Variants in CSMD1 observed in about 807,000 individuals in gnomAD.
The protein encoded by CSMD1 is CUB and sushi domain-containing protein 1.
Under a neutral mutation model 417.5 loss-of-function variants are expected in CSMD1, and 213 were observed. The observed-to-expected ratio is 0.51, with a 90% CI of 0.46 to 0.57. The LOEUF (loss-of-function observed/expected upper bound fraction) is 0.57. CSMD1 is among the 20% of genes least tolerant of loss of function. CSMD1 has a pLI of 0.00. For missense variants in CSMD1, 6,923 were observed against 4,529.7 expected (o/e 1.53, Z -15.17); for synonymous variants, 2,862 against 1,736.8 (o/e 1.65, Z -16.11).
At chr8:3,643,868 G>C (rs750840886) in intron 7 of CSMD1, among the ~76,000 whole-genome samples, 2 of 152,146 alleles carry the variant, frequency 1.3e-5, no homozygotes, top group African/African-American at 2.4e-5. Flanking sequence ...TAATGAATTA[G>C]TTAATACACT....
intron 9 of CSMD1, among the ~76,000 whole-genome samples, chr8:3,578,988 G>C (rs549809009): frequency 6.6e-6 from 1 of 152,156 alleles, no homozygotes; most frequent in African/African-American, 2.4e-5. Flanking sequence ...TCTTGCAAAG[G>C]CCTTGCCTCT....
At chr8:4,606,975 C>A (rs145916053) in intron 2 of CSMD1, among the ~76,000 whole-genome samples, 1 of 152,088 alleles carries the variant, frequency 6.6e-6, no homozygotes, top group Non-Finnish European at 1.5e-5. Context: ...TGCTAAGATG[C>A]AAGTTAAATT....
At chr8:3,475,761 T>A (rs1817369986) in intron 11 of CSMD1, among the ~76,000 whole-genome samples, 1 of 152,212 alleles carries the variant, frequency 6.6e-6, no homozygotes. Flanking sequence ...TGTGAAGCGG[T>A]TAACCCAAAA....
intron 5 of CSMD1, among the ~76,000 whole-genome samples, chr8:3,810,350 G>C (rs1585032341): frequency 6.6e-6 from 1 of 152,176 alleles, no homozygotes; most frequent in Non-Finnish European, 1.5e-5. Flanking sequence ...GTGCTTCTCA[G>C]TCACAAAAAT....
intron 1 of CSMD1, among the ~76,000 whole-genome samples, chr8:4,772,429 A>G (rs1327543393): frequency 2.0e-5 from 3 of 152,160 alleles, no homozygotes; most frequent in Non-Finnish European, 4.4e-5. Flanking sequence ...TGATCTCCCT[A>G]TTTTAAGGCC....
intron 30 of CSMD1, among the ~76,000 whole-genome samples, chr8:3,209,783 A>T (rs551956301): frequency 6.6e-6 from 1 of 152,340 alleles, no homozygotes; most frequent in Non-Finnish European, 1.5e-5. Context: ...TATTTCCTAA[A>T]TGAATAAAGA....
At chr8:4,156,719 T>A (rs1297182358) in intron 3 of CSMD1, among the ~76,000 whole-genome samples, 1 of 152,148 alleles carries the variant, frequency 6.6e-6, no homozygotes, top group East Asian at 1.9e-4. Context: ...TATGTGCAGT[T>A]TGCAGTGGGG....
At chr8:3,458,317 AT>A (rs1293873397) in intron 12 of CSMD1, among the ~76,000 whole-genome samples, 1 of 152,214 alleles carries the variant, frequency 6.6e-6, no homozygotes, top group Non-Finnish European at 1.5e-5. Flanking sequence ...ATATTTAAAT[AT>A]TTAATAATGG....
In CSMD1 at chr8:2,938,591, C is replaced by T; in HGVS notation, c.10689G>A (p.Val3563=). 2 of 1,611,466 alleles carry T rather than the reference C, an allele frequency of 1.2e-6. No individual in the cohort carries two copies. The highest frequency in any genetic ancestry group is 1.1e-5 in the South Asian group (1 of 90,348). The part of the protein sequence containing the change: ...FDTTLNTVCT[V]V ...CCTGTTGGGGCACTGAGGGCTATAC[C>T]ACTGTACAGACTGTGTTCAGAGTTG... is the stretch of plus-strand genomic sequence containing the variant. Residue 3563 remains valine, a synonymous_variant, in exon 70 of 70, where the codon GTG becomes GTA. Transcript: ENST00000635120.
intron 3 of CSMD1, among the ~76,000 whole-genome samples, chr8:4,255,505 A>G (rs532592889): frequency 2.4e-4 from 37 of 152,240 alleles, no homozygotes; most frequent in Non-Finnish European, 4.7e-4. Flanking sequence ...GAAATGTGCA[A>G]TAGCAGTGGA....
chr8:4,222,229 G>A (rs1056637735), intron 3 of CSMD1, among the ~76,000 whole-genome samples: 2 of 152,014 alleles, frequency 1.3e-5, no homozygotes, highest in Non-Finnish European at 2.9e-5. Flanking sequence ...CCTGTAACAC[G>A]CAGAAAGTTA....
At chr8:4,383,102 A>G (rs977057334) in intron 3 of CSMD1, among the ~76,000 whole-genome samples, 3 of 152,276 alleles carry the variant, frequency 2.0e-5, no homozygotes, top group East Asian at 1.9e-4. Context: ...ATCATCCTCT[A>G]TTATGGGCTT....
chr8:3,830,937 G>A (rs1307862914), intron 5 of CSMD1, among the ~76,000 whole-genome samples: 2 of 151,998 alleles, frequency 1.3e-5, no homozygotes, highest in African/African-American at 4.8e-5. Flanking sequence ...TATTTCTTAA[G>A]TTCTTTCTGA....
At chr8:4,104,224 C>G (rs552896184) in intron 3 of CSMD1, among the ~76,000 whole-genome samples, 1 of 152,176 alleles carries the variant, frequency 6.6e-6, no homozygotes, top group African/African-American at 2.4e-5. Flanking sequence ...TACGTGAGTG[C>G]GGATACACAT....
intron 21 of CSMD1, among the ~76,000 whole-genome samples, chr8:3,348,944 A>G (rs1299362202): frequency 6.6e-6 from 1 of 152,178 alleles, no homozygotes; most frequent in African/African-American, 2.4e-5. Flanking sequence ...CCAAAACTCT[A>G]AGTCCAATAC....
intron 1 of CSMD1, among the ~76,000 whole-genome samples, chr8:4,879,533 T>C (rs1372771285): frequency 6.6e-6 from 1 of 152,110 alleles, no homozygotes; most frequent in African/African-American, 2.4e-5. Context: ...ACATAATTGG[T>C]ATTTCTTTAC....
At chr8:3,035,312 A>C (rs928849750) in intron 50 of CSMD1, among the ~76,000 whole-genome samples, 7 of 152,128 alleles carry the variant, frequency 4.6e-5, no homozygotes, top group African/African-American at 1.7e-4. Flanking sequence ...ATGTAATTCT[A>C]CTGTAAGCGG....
intron 2 of CSMD1, among the ~76,000 whole-genome samples, chr8:4,467,924 G>T (rs904234256): frequency 6.6e-6 from 1 of 152,150 alleles, no homozygotes; most frequent in Non-Finnish European, 1.5e-5. Context: ...CAAACAGTTG[G>T]AATTCCATTC....
chr8:4,590,362 A>G (rs2617085), intron 2 of CSMD1, among the ~76,000 whole-genome samples: 58,915 of 151,918 alleles, frequency 0.39, 11,553 homozygotes, highest in Admixed American at 0.43. Context: ...ATTCTAAAAC[A>G]TACATGCTCA....
Sources: gnomAD v4.1 joint callset for allele counts (sites outside exome capture counted in the v4.1 genomes callset) on GRCh38, gnomAD v4.1.1 for gene constraint, MANE v1.5 for transcripts, NCBI Gene and HGNC (gene_info 2026-07-23, HGNC 2026-07-21) for gene names.